The following LYPD6B variants were observed in gnomAD, a reference collection of about 807,000 sequenced individuals.
LYPD6B encodes LY6/PLAUR domain containing 6B, also known as ly6/PLAUR domain-containing protein 6B.
Under a neutral mutation model 22.8 loss-of-function variants are expected in LYPD6B, and 17 were observed. The ratio of observed to expected loss-of-function variants is 0.75; its 90% CI spans 0.51 to 1.12. The LOEUF (loss-of-function observed/expected upper bound fraction) is 1.12, where lower values mean the gene tolerates loss of function less well. LYPD6B is among the 50% of genes most tolerant of loss of function. The pLI, the probability that LYPD6B is intolerant of heterozygous loss-of-function variation, is 0.00. For synonymous variants in LYPD6B, 106 were observed against 91.6 expected (o/e 1.16, Z -0.90); for missense variants, 221 against 258.3 (o/e 0.86, Z 0.99).
At chr2:149,209,025 A>G (rs1281553582) in intron 5 of LYPD6B, among the ~76,000 whole-genome samples, 1 of 152,182 alleles carries the variant, frequency 6.6e-6, no homozygotes, top group East Asian at 1.9e-4. Flanking sequence ...AGAGTTTTCA[A>G]GGGTGATAGT....
At chr2:149,212,193 T>C (rs995781867) in intron 5 of LYPD6B, among the ~76,000 whole-genome samples, 2 of 150,504 alleles carry the variant, frequency 1.3e-5, no homozygotes, top group Non-Finnish European at 3.0e-5. Flanking sequence ...CTGGCTAACA[T>C]GGTCAAACCC....
At chr2:149,131,846 A>G (rs993894502) in intron 2 of LYPD6B, among the ~76,000 whole-genome samples, 1 of 152,220 alleles carries the variant, frequency 6.6e-6, no homozygotes, top group African/African-American at 2.4e-5. Flanking sequence ...AAACAGAATG[A>G]GAGGCTAGAA....
chr2:149,125,182 C>T (rs1487560300), intron 1 of LYPD6B, among the ~76,000 whole-genome samples: 5 of 152,128 alleles, frequency 3.3e-5, no homozygotes, highest in African/African-American at 1.2e-4. Flanking sequence ...ACACATCTTA[C>T]CTCCCAGTCA....
At chr2:149,072,163 C>G (rs1161121638) in intron 1 of LYPD6B, among the ~76,000 whole-genome samples, 1 of 152,190 alleles carries the variant, frequency 6.6e-6, no homozygotes, top group Non-Finnish European at 1.5e-5. Flanking sequence ...AACTCCTGAT[C>G]TCAAGTGATC....
At chr2:149,039,656 A>T (rs1184208935) in intron 1 of LYPD6B, among the ~76,000 whole-genome samples, 1 of 152,246 alleles carries the variant, frequency 6.6e-6, no homozygotes, top group Non-Finnish European at 1.5e-5. Flanking sequence ...CATGGAGTAC[A>T]TAGCATACTG....
At chr2:149,170,443 C>T (rs947250475) in intron 3 of LYPD6B, among the ~76,000 whole-genome samples, 2 of 152,124 alleles carry the variant, frequency 1.3e-5, no homozygotes, top group African/African-American at 4.8e-5. Context: ...ATTCTGTTCT[C>T]TGTGCTATGT....
At chr2:149,066,523 T>C (rs1457733385) in intron 1 of LYPD6B, among the ~76,000 whole-genome samples, 2 of 152,132 alleles carry the variant, frequency 1.3e-5, no homozygotes, top group Non-Finnish European at 2.9e-5. Context: ...TTTTTATGGC[T>C]GCATGGTATT....
chr2:149,120,379 A>ATTTTTT (rs1371894805), intron 1 of LYPD6B, among the ~76,000 whole-genome samples: 23 of 43,676 alleles, frequency 5.3e-4, no homozygotes, highest in African/African-American at 1.3e-3. Flanking sequence ...ATATATATAT[A>ATTTTTT]TATATTTTTT....
At chr2:149,153,787 A>AG (rs968625901) in intron 2 of LYPD6B, among the ~76,000 whole-genome samples, 4 of 152,116 alleles carry the variant, frequency 2.6e-5, no homozygotes, top group African/African-American at 7.2e-5. Flanking sequence ...AGAAAAAAAA[A>AG]AAAGAAGAAG....
intron 1 of LYPD6B, among the ~76,000 whole-genome samples, chr2:149,053,209 A>T (rs984578216): frequency 1.3e-5 from 2 of 151,988 alleles, no homozygotes; most frequent in African/African-American, 2.4e-5. Context: ...ATACATAGTT[A>T]AAAAAAACAA....
chr2:149,070,078 A>T (rs184416539), intron 1 of LYPD6B, among the ~76,000 whole-genome samples: 62 of 152,028 alleles, frequency 4.1e-4, no homozygotes, highest in Admixed American at 4.1e-3. Flanking sequence ...ATAAAAATGC[A>T]TATGTTTTGG....
intron 5 of LYPD6B, among the ~76,000 whole-genome samples, chr2:149,209,486 T>C (rs1183998148): frequency 6.6e-6 from 1 of 152,124 alleles, no homozygotes; most frequent in Non-Finnish European, 1.5e-5. Context: ...GGATGTACTG[T>C]TTTTTAGGTT....
At position 149,079,818 on chromosome 2, in the gene LYPD6B, A is replaced by G. The variant is rs150788614; in HGVS notation, c.-67+41017A>G. Among the ~76,000 whole-genome samples, 15 of 152,162 alleles carry G rather than the reference A, an allele frequency of 9.9e-5. No individual in the cohort carries two copies. In the East Asian group the frequency reaches 2.7e-3, roughly 27 times the overall value. On this transcript the variant is annotated intron_variant, in intron 1 of 6. Coordinates refer to ENST00000409642, the MANE Select transcript of LYPD6B (RefSeq NM_177964.5). Reference sequence around the variant, plus strand: ...CTTTAGACAGGAGCATCTTAAACCAACCCACCCAGAGGGGTTAGCAGACCT... The same window carrying G: ...CTTTAGACAGGAGCATCTTAAACCAGCCCACCCAGAGGGGTTAGCAGACCT...
At chr2:149,069,800 T>C (rs1451928094) in intron 1 of LYPD6B, among the ~76,000 whole-genome samples, 1 of 152,130 alleles carries the variant, frequency 6.6e-6, no homozygotes. Flanking sequence ...GTGTGAGGCC[T>C]GGTTCCAGTC....
rs370491961 is a variant in LYPD6B, at chr2:149,200,972, C to G, written c.78-4281C>G. On this transcript the variant is annotated intron_variant, in intron 3 of 6. Transcript: ENST00000409642. Reference sequence around the variant, plus strand: ...GGTGAGGGATTTCTGACCAGGCCTACTATGTAGGAAAGATGGATGAAGGTA... The same window carrying G: ...GGTGAGGGATTTCTGACCAGGCCTAGTATGTAGGAAAGATGGATGAAGGTA... Among the ~76,000 whole-genome samples the G allele has an allele frequency of 3.7e-4, 56 of 152,254 alleles. No individual in the cohort carries two copies. The South Asian group carries it at 3.9e-3, about 11-fold the overall frequency.
chr2:149,176,235 TG>T (rs1458174039), intron 3 of LYPD6B, among the ~76,000 whole-genome samples: 2 of 152,230 alleles, frequency 1.3e-5, no homozygotes, highest in African/African-American at 4.8e-5. Flanking sequence ...CTGTTGTGTA[TG>T]CTGTTCATCC....
chr2:149,044,591 T>A (rs1381004039), intron 1 of LYPD6B, among the ~76,000 whole-genome samples: 1 of 152,016 alleles, frequency 6.6e-6, no homozygotes, highest in African/African-American at 2.4e-5. Flanking sequence ...CCTCCCTCCC[T>A]CCTTCTCTTC....
At chr2:149,149,417 TAC>T (rs35899556) in intron 2 of LYPD6B, among the ~76,000 whole-genome samples, 42,518 of 151,206 alleles carry the variant, frequency 0.28, 7,181 homozygotes, top group East Asian at 0.55. Flanking sequence ...ACTCAAATCC[TAC>T]ACACACACAC....
intron 2 of LYPD6B, among the ~76,000 whole-genome samples, chr2:149,152,127 T>C (rs1025881505): frequency 6.6e-6 from 1 of 151,980 alleles, no homozygotes; most frequent in East Asian, 1.9e-4. Context: ...ATTTCTTTTA[T>C]GTTTCTTTTA....
Sources: gnomAD v4.1 joint callset for allele counts (sites outside exome capture counted in the v4.1 genomes callset) on GRCh38, gnomAD v4.1.1 for gene constraint, MANE v1.5 for transcripts, NCBI Gene and HGNC (gene_info 2026-07-23, HGNC 2026-07-21) for gene names.